RNF145: variants seen among roughly 807,000 people sequenced by gnomAD.
RNF145 encodes the protein ring finger protein 145.
RNF145 carries 12 observed loss-of-function variants against 57.3 expected under a neutral mutation model. The ratio of observed to expected loss-of-function variants is 0.21; its 90% CI spans 0.13 to 0.34. RNF145 has a LOEUF of 0.34. Ranked by LOEUF, RNF145 falls within the 10% of genes least tolerant of loss-of-function variation. RNF145 has a pLI of 1.00. For missense variants in RNF145, 429 were observed against 799.0 expected (o/e 0.54, Z 5.58); for synonymous variants, 262 against 288.3 (o/e 0.91, Z 0.92).
upstream of RNF145, chr5:159,209,704 T>C (rs2113269760): frequency 9.7e-7 from 1 of 1,032,788 alleles, no homozygotes; most frequent in African/African-American, 1.6e-5. Context: ...GACATAAGCC[T>C]AGCCAAGCCC....
At chr5:159,178,034 T>A (rs375625548) in intron 4 of RNF145, among the ~76,000 whole-genome samples, 2 of 152,040 alleles carry the variant, frequency 1.3e-5, no homozygotes, top group East Asian at 3.8e-4. Context: ...CTTAATATTT[T>A]AAATAACTTT....
intron 7 of RNF145, 48 bp downstream of exon 7, chr5:159,169,631 T>C: frequency 7.3e-7 from 1 of 1,375,956 alleles, no homozygotes; most frequent in South Asian, 1.6e-5. Flanking sequence ...CTTCCTCAAG[T>C]TATCTATAGT....
chr5:159,182,848 T>A (rs933497944), intron 3 of RNF145, among the ~76,000 whole-genome samples: 4 of 152,162 alleles, frequency 2.6e-5, no homozygotes, highest in African/African-American at 7.2e-5. Context: ...GGGAAGTTTG[T>A]GTAAAAAAAT....
At chr5:159,209,753 C>T, upstream of RNF145, 2 of 1,256,554 alleles carry the variant, frequency 1.6e-6, no homozygotes, top group Non-Finnish European at 1.1e-6. Context: ...AGGCGTACTG[C>T]AGAGACACCT....
At position 159,162,803 on chromosome 5, in the gene RNF145, AAGAG is replaced by A. The variant is rs925978671; in HGVS notation, c.1269+125_1269+128del. The A allele has an allele frequency of 1.5e-4, 99 of 676,150 alleles. No individual in the cohort carries two copies. In the South Asian group the frequency reaches 1.5e-3, roughly 10 times the overall value. 41.9% of individuals were successfully genotyped at this position (676,150 alleles called of 1,614,324 possible). A position where few individuals can be genotyped will look rare whatever the true frequency, so the allele number is the denominator to read the frequency against. Reference sequence around the variant, plus strand: ...CAAATAAATGTAATGTGTTCTAGTAAAGAGAGAGAGAAGTTATCACCTGAATAGT... The same window carrying A: ...CAAATAAATGTAATGTGTTCTAGTAAAGAGAGAAGTTATCACCTGAATAGT... On this transcript the variant is annotated intron_variant, in intron 9 of 10. Transcript: ENST00000424310.
chr5:159,162,768 C>T (rs1181305531), intron 9 of RNF145, among the ~76,000 whole-genome samples, 164 bp downstream of exon 9: 1 of 152,172 alleles, frequency 6.6e-6, no homozygotes, highest in East Asian at 1.9e-4. Flanking sequence ...TGCCATCTAA[C>T]TCCTGTGCTC....
intron 10 of RNF145, among the ~76,000 whole-genome samples, chr5:159,159,907 C>T (rs1480126983): frequency 6.6e-6 from 1 of 152,104 alleles, no homozygotes; most frequent in Non-Finnish European, 1.5e-5. Context: ...AAATTCCTTG[C>T]CAAGAACTGG....
Position 159,158,602 on chromosome 5 carries a change from A to G in RNF145, c.*68T>C. ...ATCTCATTTTCATTCCTCAAATCAG[A>G]ACATGAATTCCATCTTGAGTTAACT... On this transcript the variant is annotated 3_prime_UTR_variant, in exon 11 of 11. Transcript: ENST00000424310. 2.0e-6 allele frequency: 3 copies of G among 1,528,574 alleles called. 1 individual carries two copies. The South Asian group carries it at 3.7e-5, about 19-fold the overall frequency. The allele number at this position is 1,528,574 out of a possible 1,614,324, so 94.7% of individuals were successfully genotyped here.
At chr5:159,204,382 G>GTAC (rs1785786833) in intron 1 of RNF145, among the ~76,000 whole-genome samples, 1 of 146,340 alleles carries the variant, frequency 6.8e-6, no homozygotes, top group Non-Finnish European at 1.5e-5. Flanking sequence ...ACCATGATAA[G>GTAC]TAGTGGGGGG....
chr5:159,172,894 T>C (rs1037137471), intron 6 of RNF145, among the ~76,000 whole-genome samples: 1 of 152,188 alleles, frequency 6.6e-6, no homozygotes, highest in African/African-American at 2.4e-5. Flanking sequence ...CTATATTTAC[T>C]TTATAGGAGG....
intron 1 of RNF145, among the ~76,000 whole-genome samples, chr5:159,204,803 CAAAAAAAAAAAAAAAA>C (rs1163143098): frequency 2.1e-5 from 1 of 47,068 alleles, no homozygotes; most frequent in Non-Finnish European, 4.6e-5. Context: ...GACTCCGTCT[CAAAAAAAAAAAAAAAA>C]AAAAAAAAGC....
chr5:159,196,128 C>T (rs1785451139), intron 2 of RNF145, among the ~76,000 whole-genome samples: 1 of 152,106 alleles, frequency 6.6e-6, no homozygotes, highest in Non-Finnish European at 1.5e-5. Flanking sequence ...ATACCCTATA[C>T]TTCAAGCTTG....
Position 159,203,558 on chromosome 5 carries a change from G to A in RNF145, c.60C>T (p.Ile20=). The A allele has an allele frequency of 6.2e-7, 1 of 1,613,496 alleles. No homozygotes were observed. The highest frequency in any genetic ancestry group is 8.5e-7 in the Non-Finnish European group (1 of 1,179,782). The part of the protein sequence containing the change: ...VLNVALRVPS[I]MLLDVLYRWD... Reference sequence around the variant, plus strand: ...ATCTGTACAGGACATCCAACAGCATGATGCTTGGCACCCTCAGGGCCACAT... The same window carrying A: ...ATCTGTACAGGACATCCAACAGCATAATGCTTGGCACCCTCAGGGCCACAT... Residue 20 remains isoleucine, a synonymous_variant, in exon 2 of 11, where the codon ATC becomes ATT. Coordinates refer to ENST00000424310, the MANE Select transcript of RNF145 (RefSeq NM_001199383.2).
At chr5:159,199,239 A>C (rs569521335) in intron 2 of RNF145, among the ~76,000 whole-genome samples, 6 of 152,280 alleles carry the variant, frequency 3.9e-5, no homozygotes, top group Admixed American at 6.5e-5. Flanking sequence ...GTGGAGACAG[A>C]GATCTGCAGC....
Position 159,203,410 on chromosome 5 carries a change from A to T in RNF145, c.184+24T>A, listed in dbSNP as rs764189140. The stretch of plus-strand genomic sequence containing the variant: ...AAATCAGAATGCTCACTAGAAGATT[A>T]GAAAATGTGATGTAGACACTCACCT... On this transcript the variant is annotated intron_variant, in intron 2 of 10. Coordinates refer to ENST00000424310, the MANE Select transcript of RNF145 (RefSeq NM_001199383.2). 8.7e-6 allele frequency: 13 copies of T among 1,489,776 alleles called. No individual in the cohort carries two copies. The South Asian group carries it at 1.5e-4, about 17-fold the overall frequency. The allele number at this position is 1,489,776 out of a possible 1,614,324, so 92.3% of individuals were successfully genotyped here.
intron 3 of RNF145, 118 bp downstream of exon 3, chr5:159,194,598 C>A: frequency 1.5e-6 from 1 of 651,008 alleles, no homozygotes; most frequent in Non-Finnish European, 2.8e-6. Flanking sequence ...AGTATCAAAC[C>A]AGTTTTGGAC....
intron 3 of RNF145, among the ~76,000 whole-genome samples, chr5:159,186,144 G>C (rs965484469): frequency 1.3e-5 from 2 of 150,714 alleles, no homozygotes; most frequent in African/African-American, 5.0e-5. Flanking sequence ...AGAATTGTGT[G>C]GACCTGGTAG....
At chr5:159,179,774 T>A (rs1199198615) in intron 4 of RNF145, among the ~76,000 whole-genome samples, 4 of 152,134 alleles carry the variant, frequency 2.6e-5, no homozygotes, top group African/African-American at 9.7e-5. Flanking sequence ...TCCTCTGCTG[T>A]CTTTTAAAAT....
chr5:159,160,687 T>C (rs1184307514), intron 10 of RNF145, among the ~76,000 whole-genome samples: 1 of 152,218 alleles, frequency 6.6e-6, no homozygotes, highest in East Asian at 1.9e-4. Flanking sequence ...AAGACAATCA[T>C]CAGGCTCTTT....
Sources: gnomAD v4.1 joint callset for allele counts (sites outside exome capture counted in the v4.1 genomes callset) on GRCh38, gnomAD v4.1.1 for gene constraint, MANE v1.5 for transcripts, NCBI Gene and HGNC (gene_info 2026-07-23, HGNC 2026-07-21) for gene names.